CHRNB3: variants seen among roughly 807,000 people sequenced by gnomAD.
CHRNB3 encodes the protein neuronal acetylcholine receptor subunit beta-3.
Under a neutral mutation model 40.6 loss-of-function variants are expected in CHRNB3, and 37 were observed. That is an observed-to-expected ratio of 0.91 (90% confidence interval 0.70 to 1.20). CHRNB3 has a LOEUF of 1.20. CHRNB3 is among the 50% of genes most tolerant of loss of function. The pLI is 0.00. For missense variants in CHRNB3, 505 were observed against 551.2 expected, an observed-to-expected ratio of 0.92 and a Z score of 0.84; for synonymous variants, 207 against 207.1, an observed-to-expected ratio of 1.00 and a Z score of 0.00.
At chr8:42,723,903 C>T (rs779993405) in intron 3 of CHRNB3, among the ~76,000 whole-genome samples, 4 of 151,862 alleles carry the variant, frequency 2.6e-5, no homozygotes, top group Admixed American at 6.6e-5. Context: ...CTGGCCAAAA[C>T]GGTGAAACCC....
At chr8:42,732,583 TA>T (rs1425555245) in intron 5 of CHRNB3, 34 bp downstream of exon 5, 10 of 1,531,012 alleles carry the variant, frequency 6.5e-6, no homozygotes, top group Non-Finnish European at 7.9e-6. Flanking sequence ...AATGCTGCCG[TA>T]AAGGTAGGCC....
chr8:42,715,628 C>T (rs1054986880), intron 3 of CHRNB3, among the ~76,000 whole-genome samples: 11 of 151,444 alleles, frequency 7.3e-5, no homozygotes, highest in African/African-American at 2.4e-4. Flanking sequence ...ATTCTCCTGT[C>T]TTATCCTGTT....
chr8:42,706,540 G>A (rs1815925549), intron 1 of CHRNB3, among the ~76,000 whole-genome samples: 1 of 152,114 alleles, frequency 6.6e-6, no homozygotes, highest in African/African-American at 2.4e-5. Flanking sequence ...GGGCTGGGAT[G>A]TATTCTCAAG....
Position 42,724,490 on chromosome 8 carries a change from A to G in CHRNB3, c.250-6104A>G, listed in dbSNP as rs562973670. Among the ~76,000 whole-genome samples, 20 of 152,248 alleles carry G rather than the reference A, an allele frequency of 1.3e-4. 1 individual carries two copies. In the East Asian group the frequency reaches 3.9e-3, roughly 29 times the overall value. ...GTGTATTTCAAGTCTTTTTCAAACA[A>G]AGGCCCCAGGAATCTCCAGATTCAA... On this transcript the variant is annotated intron_variant, in intron 3 of 5. Transcript: ENST00000289957.
Position 42,732,476 on chromosome 8 carries a change from CTTT to C in CHRNB3, c.1173_1175del (p.Phe391del). ...AGTGATGGAGAAAAAGTTCTAGTTG[CTTT>C]TTTGGAAAAAGCTGCTGATTCCATT... On this transcript the variant is annotated inframe_deletion, in exon 5 of 6. Coordinates refer to ENST00000289957, the MANE Select transcript of CHRNB3 (RefSeq NM_000749.5). The C allele has an allele frequency of 6.2e-7, 1 of 1,611,158 alleles. No homozygotes were observed. Among genetic ancestry groups the C allele is most frequent in the Non-Finnish European group, 8.5e-7 (1 of 1,179,452 alleles).
intron 1 of CHRNB3, among the ~76,000 whole-genome samples, chr8:42,705,384 C>T (rs905655136): frequency 6.6e-6 from 1 of 152,194 alleles, no homozygotes; most frequent in Admixed American, 6.5e-5. Context: ...AAATTTGACC[C>T]CCAACGCAGT....
chr8:42,697,542 T>A lies in CHRNB3; in HGVS notation c.-5T>A, dbSNP rs959513584. On this transcript the variant is annotated 5_prime_UTR_variant, in exon 1 of 6. Transcript: ENST00000289957. ...AGAAACTGTCTTTCTGAAACTGACA[T>A]CACGATGCTCCCAGATTTTATGCTG... 5 of 1,612,756 alleles carry A rather than the reference T, an allele frequency of 3.1e-6. No homozygotes were observed. The highest frequency in any genetic ancestry group is 2.2e-5 in the East Asian group (1 of 44,884).
chr8:42,726,449 A>G (rs1482075898), intron 3 of CHRNB3, among the ~76,000 whole-genome samples: 1 of 151,550 alleles, frequency 6.6e-6, no homozygotes, highest in Non-Finnish European at 1.5e-5. Context: ...GATACTAACA[A>G]TGAACGACTG....
Position 42,732,027 on chromosome 8 carries a change from C to T in CHRNB3, c.720C>T (p.Leu240=), listed in dbSNP as rs369810257. ...TGCCTTTATTCTATACCCTCTTTCT[C>T]ATCATCCCCTGCCTGGGGCTGTCTT... The part of the protein sequence containing the change: ...RRLPLFYTLF[L]IIPCLGLSFL... Residue 240 remains leucine, a synonymous_variant, in exon 5 of 6, where the codon CTC becomes CTT. Transcript: ENST00000289957. 8 of 1,613,982 alleles carry T rather than the reference C, an allele frequency of 5.0e-6. No individual in the cohort carries two copies. Among genetic ancestry groups the T allele is most frequent in the African/African-American group, 4.0e-5 (3 of 74,896 alleles).
intron 3 of CHRNB3, among the ~76,000 whole-genome samples, chr8:42,719,449 A>G (rs78896736): frequency 0.031 from 4,731 of 152,262 alleles, 124 homozygotes; most frequent in Middle Eastern, 0.11. Context: ...GTTTGAAACC[A>G]GCCCGATCAA....
At chr8:42,718,049 T>C (rs1443947161) in intron 3 of CHRNB3, among the ~76,000 whole-genome samples, 1 of 150,474 alleles carries the variant, frequency 6.6e-6, no homozygotes, top group African/African-American at 2.5e-5. Flanking sequence ...TAGGCTGGTC[T>C]GGAACTCCTG....
chr8:42,722,812 C>T (rs1177464127), intron 3 of CHRNB3, among the ~76,000 whole-genome samples: 2 of 152,164 alleles, frequency 1.3e-5, no homozygotes, highest in Non-Finnish European at 2.9e-5. Flanking sequence ...AAGCGACCCA[C>T]CTGCCTCAGC....
chr8:42,697,614 AG>A lies in CHRNB3; in HGVS notation c.52+17del. ...CCTTCCTCAGGTAAGCACAAGTCAC[AG>A]TAAATTAAAACTACAGTTGCAGAAT... is the stretch of plus-strand genomic sequence containing the variant. On this transcript the variant is annotated intron_variant, in intron 1 of 5. Coordinates refer to ENST00000289957, the MANE Select transcript of CHRNB3 (RefSeq NM_000749.5). The A allele has an allele frequency of 6.2e-7, 1 of 1,604,954 alleles. No homozygotes were observed. The highest frequency in any genetic ancestry group is 8.5e-7 in the Non-Finnish European group (1 of 1,171,890).
intron 1 of CHRNB3, 80 bp from the exon 2 acceptor site, chr8:42,708,637 A>G: frequency 1.3e-6 from 2 of 1,487,310 alleles, no homozygotes; most frequent in South Asian, 1.3e-5. Context: ...CAGGAGGCCA[A>G]GGCCACAGGA....
At chr8:42,735,535 A>AAAAGC (rs1222235062) in intron 5 of CHRNB3, among the ~76,000 whole-genome samples, 1 of 152,112 alleles carries the variant, frequency 6.6e-6, no homozygotes, top group Non-Finnish European at 1.5e-5. Flanking sequence ...TATGTCTCAA[A>AAAAGC]AAAGCAAAAC....
chr8:42,700,836 T>C (rs976071667), intron 1 of CHRNB3, among the ~76,000 whole-genome samples: 3 of 152,192 alleles, frequency 2.0e-5, no homozygotes, highest in African/African-American at 7.2e-5. Context: ...ATCAGTTGTT[T>C]GTACCTCAGT....
At chr8:42,701,001 A>G (rs1216126700) in intron 1 of CHRNB3, among the ~76,000 whole-genome samples, 1 of 152,036 alleles carries the variant, frequency 6.6e-6, no homozygotes, top group Non-Finnish European at 1.5e-5. Context: ...AGGCTGAGGC[A>G]TGCAGATCAT....
intron 2 of CHRNB3, among the ~76,000 whole-genome samples, chr8:42,709,461 C>T (rs984251506): frequency 2.0e-5 from 3 of 151,738 alleles, no homozygotes; most frequent in African/African-American, 7.3e-5. Context: ...CTTCTATGAT[C>T]CCCAAAGCCC....
At chr8:42,732,587 G>A (rs755919110) in intron 5 of CHRNB3, 38 bp downstream of exon 5, 10 of 1,522,350 alleles carry the variant, frequency 6.6e-6, no homozygotes, top group Non-Finnish European at 4.4e-6. Context: ...CTGCCGTAAA[G>A]GTAGGCCAAA....
Sources: gnomAD v4.1 joint callset for allele counts (sites outside exome capture counted in the v4.1 genomes callset) on GRCh38, gnomAD v4.1.1 for gene constraint, MANE v1.5 for transcripts, NCBI Gene and HGNC (gene_info 2026-07-23, HGNC 2026-07-21) for gene names.